Variants in MANEAL observed in about 807,000 individuals in gnomAD.
MANEAL encodes glycoprotein endo-alpha-1,2-mannosidase-like protein.
A neutral mutation model predicts 35.9 loss-of-function variants in MANEAL; 28 were observed. The observed-to-expected ratio is 0.78, with a 90% CI of 0.58 to 1.07. MANEAL has a LOEUF of 1.07. Ranked by LOEUF, MANEAL falls within the 50% of genes least tolerant of loss-of-function variation. The pLI is 0.00. For synonymous variants in MANEAL, 286 were observed against 272.2 expected (o/e 1.05, Z -0.50); for missense variants, 576 against 629.6 (o/e 0.91, Z 0.91).
In MANEAL at chr1:37,799,766, G is replaced by C; in HGVS notation, c.937G>C (p.Asp313His). Residue 313 changes from aspartate (D) to histidine (H), a missense_variant, in exon 4 of 4, where the codon GAT (aspartate) becomes CAT (histidine). Around this residue, in one of 3 missense-constraint regions of MANEAL, gnomAD observed 449 missense variants for 516.1 expected, o/e 0.87. Transcript: ENST00000373045. The surrounding 1 kb of genome is among the most constrained non-coding windows in gnomAD (Gnocchi z 4.1). ...ALLVEEGHTH[D>H]ILAAGFDGMY... The stretch of plus-strand genomic sequence containing the variant: ...GCTGGTGGAGGAGGGCCACACCCAC[G>C]ATATCCTGGCCGCCGGATTTGACGG... 6.2e-7 allele frequency: 1 copy of C among 1,614,168 alleles called. No individual in the cohort carries two copies. The highest frequency in any genetic ancestry group is 8.5e-7 in the Non-Finnish European group (1 of 1,180,040).
intron 1 of MANEAL, among the ~76,000 whole-genome samples, chr1:37,795,131 C>A (rs1424659823): frequency 1.3e-5 from 2 of 152,192 alleles, no homozygotes; most frequent in Non-Finnish European, 2.9e-5. Flanking sequence ...CAGGGTAGAG[C>A]AGCAGCCGTT....
Position 37,799,978 on chromosome 1 carries a change from C to T in MANEAL, c.1149C>T (p.Tyr383=). ...CGCGCAACAGGGTCAATGGCAAGTA[C>T]TATGAGACGGCCCTGCAGGCGGCCC... ...HNTRNRVNGK[Y]YETALQAALT... Residue 383 remains tyrosine (Y), a synonymous_variant, in exon 4 of 4, where the codon TAC becomes TAT. Transcript: ENST00000373045. This position sits in a 1 kb window ranked among gnomAD's most constrained non-coding sequence, Gnocchi z 4.1. The T allele has an allele frequency of 3.7e-6, 6 of 1,614,236 alleles. No individual in the cohort carries two copies. In the South Asian group the frequency reaches 5.5e-5, roughly 15 times the overall value.
chr1:37,798,149 T>C (rs1646660832), intron 3 of MANEAL, among the ~76,000 whole-genome samples: 1 of 150,986 alleles, frequency 6.6e-6, no homozygotes, highest in East Asian at 1.9e-4. Flanking sequence ...ATTCTGTCTC[T>C]TAAAAAAACA....
chr1:37,796,545 G>C (rs1646646572), intron 2 of MANEAL, among the ~76,000 whole-genome samples, 199 bp from the exon 3 acceptor site: 1 of 152,174 alleles, frequency 6.6e-6, no homozygotes, highest in South Asian at 2.1e-4. Context: ...CACATGCCCT[G>C]CTGCGGGAGA....
chr1:37,794,297 G>A lies in MANEAL; in HGVS notation c.115G>A (p.Gly39Ser). 1 of 1,217,286 alleles carries A rather than the reference G, an allele frequency of 8.2e-7. No individual in the cohort carries two copies. Among genetic ancestry groups the A allele is most frequent in the Non-Finnish European group, 1.0e-6 (1 of 968,846 alleles). The allele number at this position is 1,217,286 out of a possible 1,614,324, so 75.4% of individuals were successfully genotyped here. Residue 39 changes from glycine to serine, a missense_variant, in exon 1 of 4, where the codon GGC becomes AGC. Transcript: ENST00000373045. This position sits in a 1 kb window ranked among gnomAD's most constrained non-coding sequence, Gnocchi z 5.7. ...GGCTCCGGACGGACTCCCGGCGCTGGGCCCGGGCCTGGAGCTGGCGCCCTT... is the reference window on the plus strand; with the variant it reads ...GGCTCCGGACGGACTCCCGGCGCTGAGCCCGGGCCTGGAGCTGGCGCCCTT... ...LKAPDGLPAL[G>S]PGLELAPFER... is the part of the protein sequence containing the mutation.
Position 37,800,502 on chromosome 1 carries a change from T to C in MANEAL, c.*299T>C. ...CATGTAACCCCTTCTAGTTTTGAAC[T>C]CTGCAGCAGGCTGGTGCTGTGTAGT... On this transcript the variant is annotated 3_prime_UTR_variant, in exon 4 of 4. Coordinates refer to ENST00000373045, the MANE Select transcript of MANEAL (RefSeq NM_001113482.2). 1 of 436,552 alleles carries C rather than the reference T, an allele frequency of 2.3e-6. No individual in the cohort carries two copies. The highest frequency in any genetic ancestry group is 4.2e-6 in the Non-Finnish European group (1 of 236,042). 27.0% of individuals were successfully genotyped at this position (436,552 alleles called of 1,614,324 possible). A position where few individuals can be genotyped will look rare whatever the true frequency, so the allele number is the denominator to read the frequency against.
chr1:37,796,334 TAGAG>T (rs1646644814), intron 2 of MANEAL, among the ~76,000 whole-genome samples: 1 of 152,086 alleles, frequency 6.6e-6, no homozygotes, highest in South Asian at 2.1e-4. Flanking sequence ...AGAAAAATGA[TAGAG>T]AAAGAAGAAA....
Position 37,794,946 on chromosome 1 carries a change from C to T in MANEAL, c.550+214C>T, listed in dbSNP as rs971393695. Among the ~76,000 whole-genome samples the T allele has an allele frequency of 1.3e-5, 2 of 152,220 alleles. No individual in the cohort carries two copies. The highest frequency in any genetic ancestry group is 4.8e-5 in the African/African-American group (2 of 41,450). On this transcript the variant is annotated intron_variant, in intron 1 of 3. Transcript: ENST00000373045. This position sits in a 1 kb window ranked among gnomAD's most constrained non-coding sequence, Gnocchi z 5.7. Reference sequence around the variant, plus strand: ...GACCCCCCAGCTGGGCCCTTCCATCCCTAACATCCAGGGCCCTTCCCATAG... The same window carrying T: ...GACCCCCCAGCTGGGCCCTTCCATCTCTAACATCCAGGGCCCTTCCCATAG...
In MANEAL at chr1:37,794,920, A is replaced by G. The variant is rs1012079324; in HGVS notation, c.550+188A>G. ...GACACCGCCCCTCCGTCTAGTATTC[A>G]GACCCCCCAGCTGGGCCCTTCCATC... On this transcript the variant is annotated intron_variant, in intron 1 of 3. Coordinates refer to ENST00000373045, the MANE Select transcript of MANEAL (RefSeq NM_001113482.2). The surrounding 1 kb of genome is among the most constrained non-coding windows in gnomAD (Gnocchi z 5.7). 1.3e-5 allele frequency among the ~76,000 whole-genome samples: 2 copies of G among 152,240 alleles called. No homozygotes were observed. Among genetic ancestry groups the G allele is most frequent in the Admixed American group, 6.5e-5 (1 of 15,298 alleles).
chr1:37,798,162 C>CA (rs996976575), intron 3 of MANEAL, among the ~76,000 whole-genome samples: 35 of 150,356 alleles, frequency 2.3e-4, no homozygotes, highest in South Asian at 8.4e-4. Flanking sequence ...AAAAAACAAA[C>CA]AAAAAAAAAG....
intron 3 of MANEAL, 143 bp downstream of exon 3, chr1:37,796,963 T>A: frequency 1.3e-6 from 1 of 795,666 alleles, no homozygotes; most frequent in Non-Finnish European, 2.0e-6. Context: ...GTACTGGGCC[T>A]AAAGTCAGGC....
At position 37,795,827 on chromosome 1, in the gene MANEAL, C is replaced by G. The variant is rs1410043923; in HGVS notation, c.641C>G (p.Ala214Gly). 1.9e-6 allele frequency: 3 copies of G among 1,613,948 alleles called. No homozygotes were observed. The highest frequency in any genetic ancestry group is 2.5e-6 in the Non-Finnish European group (3 of 1,179,840). Reference protein sequence around the residue: ...DDLVPAILDTAHQYSIQVAFH... With the variant: ...DDLVPAILDTGHQYSIQVAFH... ...CTGGTGCCCGCCATTCTGGACACCG[C>G]CCATCAGTACAGCATCCAGGTGAGT... is the stretch of plus-strand genomic sequence containing the variant. The change falls in exon 2 of 4, where the codon GCC becomes GGC. Residue 214 changes from alanine to glycine, a missense_variant. By Grantham distance (60) the Ala-to-Gly change is moderately conservative. Around this residue, in one of 3 missense-constraint regions of MANEAL, gnomAD observed 449 missense variants for 516.1 expected, o/e 0.87. Transcript: ENST00000373045.
chr1:37,794,532 G>T lies in MANEAL; in HGVS notation c.350G>T (p.Arg117Leu). The T allele has an allele frequency of 1.2e-6, 2 of 1,611,518 alleles. No individual in the cohort carries two copies. Among genetic ancestry groups the T allele is most frequent in the Middle Eastern group, 1.7e-4 (1 of 6,048 alleles). The change falls in exon 1 of 4, where the codon CGG becomes CTG. Residue 117 changes from arginine to leucine, a missense_variant. Arg to Leu is a moderately radical substitution (Grantham distance 102). This residue lies in a region of MANEAL where 449 missense variants were observed against 516.1 expected (regional missense o/e 0.87). Transcript: ENST00000373045. This position sits in a 1 kb window ranked among gnomAD's most constrained non-coding sequence, Gnocchi z 5.7. Reference sequence around the variant, plus strand: ...TACTACTCGTGGTACGGGAGCCCGCGGCGCGAGGGCCACTACATTCACTGG... The same window carrying T: ...TACTACTCGTGGTACGGGAGCCCGCTGCGCGAGGGCCACTACATTCACTGG... ...AFYYSWYGSP[R>L]REGHYIHWDH...
chr1:37,794,266 G>T lies in MANEAL; in HGVS notation c.84G>T (p.Thr28=). The change falls in exon 1 of 4, where the codon ACG becomes ACT. Residue 28 remains threonine (T), a synonymous_variant. Transcript: ENST00000373045. This position sits in a 1 kb window ranked among gnomAD's most constrained non-coding sequence, Gnocchi z 5.7. ...FAFGTLMGLR[T]LKAPDGLPAL... Reference sequence around the variant, plus strand: ...TCGGCACCCTCATGGGTCTGCGCACGCTCAAGGCTCCGGACGGACTCCCGG... The same window carrying T: ...TCGGCACCCTCATGGGTCTGCGCACTCTCAAGGCTCCGGACGGACTCCCGG... The T allele has an allele frequency of 7.7e-7, 1 of 1,294,158 alleles. No individual in the cohort carries two copies. The highest frequency in any genetic ancestry group is 9.9e-7 in the Non-Finnish European group (1 of 1,005,532). The allele number at this position is 1,294,158 out of a possible 1,614,324, so 80.2% of individuals were successfully genotyped here. A position where few individuals can be genotyped will look rare whatever the true frequency, so the allele number is the denominator to read the frequency against.
Position 37,799,526 on chromosome 1 carries a change from GTC to G in MANEAL, c.738-36_738-35del, listed in dbSNP as rs755907681. 5.7e-6 allele frequency: 9 copies of G among 1,588,830 alleles called. No individual in the cohort carries two copies. In the South Asian group the frequency reaches 9.1e-5, roughly 16 times the overall value. On this transcript the variant is annotated intron_variant, in intron 3 of 3. Coordinates refer to ENST00000373045, the MANE Select transcript of MANEAL (RefSeq NM_001113482.2). This position sits in a 1 kb window ranked among gnomAD's most constrained non-coding sequence, Gnocchi z 4.1. ...CACGGGAGGTCCTACAGCTGTGCTG[GTC>G]TCTCCCATCCAGCTGAGGCTCTTCT...
Position 37,795,426 on chromosome 1 carries a change from G to C in MANEAL, c.551-311G>C, listed in dbSNP as rs77822658. On this transcript the variant is annotated intron_variant, in intron 1 of 3. Coordinates refer to ENST00000373045, the MANE Select transcript of MANEAL (RefSeq NM_001113482.2). ...GCTTCTCTTCTTCAGAGGTAGGCCT[G>C]TGGCTTCCAGGTGGGTGTGGCACTG... 3,790 of 1,069,480 alleles carry C rather than the reference G, an allele frequency of 3.5e-3. 113 individuals carry two copies. The African/African-American group carries it at 0.058, about 16-fold the overall frequency. The allele number at this position is 1,069,480 out of a possible 1,614,324, so 66.2% of individuals were successfully genotyped here.
At chr1:37,797,404 A>C (rs1446018806) in intron 3 of MANEAL, among the ~76,000 whole-genome samples, 2 of 151,908 alleles carry the variant, frequency 1.3e-5, no homozygotes, top group African/African-American at 2.4e-5. Flanking sequence ...CCATCTCAAA[A>C]ATAAATAAAT....
At position 37,795,377 on chromosome 1, in the gene MANEAL, A is replaced by G. The variant is rs12062630; in HGVS notation, c.551-360A>G. ...TGGCCTCTGCTCAGGGCTCTTCTCC[A>G]TGCGGGACGTTAGGGTTAGGGGTGC... is the stretch of plus-strand genomic sequence containing the variant. On this transcript the variant is annotated intron_variant, in intron 1 of 3. Coordinates refer to ENST00000373045, the MANE Select transcript of MANEAL (RefSeq NM_001113482.2). 1,511 of 491,166 alleles carry G rather than the reference A, an allele frequency of 3.1e-3. 13 individuals are homozygous for G. The highest frequency in any genetic ancestry group is 0.029 in the African/African-American group (1,423 of 48,758). 30.4% of individuals were successfully genotyped at this position (491,166 alleles called of 1,614,324 possible).
Position 37,794,854 on chromosome 1 carries a change from C to A in MANEAL, c.550+122C>A. 1 of 662,074 alleles carries A rather than the reference C, an allele frequency of 1.5e-6. No individual in the cohort carries two copies. The highest frequency in any genetic ancestry group is 1.9e-5 in the South Asian group (1 of 51,898). The allele number at this position is 662,074 out of a possible 1,614,324, so 41.0% of individuals were successfully genotyped here. A position where few individuals can be genotyped will look rare whatever the true frequency, so the allele number is the denominator to read the frequency against. ...TCCCACTTATCCGCCAGCCTGGCTT[C>A]TTAGCTGTTCCCTCCCACTCTCATC... On this transcript the variant is annotated intron_variant, in intron 1 of 3. Transcript: ENST00000373045. The surrounding 1 kb of genome is among the most constrained non-coding windows in gnomAD (Gnocchi z 5.7).
Sources: allele counts gnomAD v4.1 joint callset (sites outside exome capture counted in the v4.1 genomes callset), GRCh38; gene constraint gnomAD v4.1.1; regional missense constraint gnomAD v4.1.1; non-coding constraint Gnocchi (gnomAD v3.1); transcripts MANE v1.5; gene names NCBI Gene and HGNC (gene_info 2026-07-23, HGNC 2026-07-21).